The following ADGRB3 variants were observed in gnomAD, a reference collection of about 807,000 sequenced individuals.
ADGRB3 encodes adhesion G protein-coupled receptor B3.
ADGRB3 carries 37 observed loss-of-function variants against 193.4 expected under a neutral mutation model. The observed-to-expected ratio is 0.19, with a 90% CI of 0.15 to 0.25. The LOEUF (loss-of-function observed/expected upper bound fraction) is 0.25, where lower values mean the gene tolerates loss of function less well. Ranked by LOEUF, ADGRB3 falls within the 10% of genes least tolerant of loss-of-function variation. The pLI is 1.00. For synonymous variants in ADGRB3, 690 were observed against 644.2 expected (o/e 1.07, Z -1.08); for missense variants, 1,637 against 1,852.9 (o/e 0.88, Z 2.14).
At chr6:69,379,040 C>G (rs1351951022) in intron 30 of ADGRB3, among the ~76,000 whole-genome samples, 2 of 151,900 alleles carry the variant, frequency 1.3e-5, no homozygotes. Flanking sequence ...GATTGGTGGT[C>G]CTCTCAGGAT....
chr6:69,153,414 G>C (rs1774735523), intron 17 of ADGRB3, among the ~76,000 whole-genome samples: 1 of 152,152 alleles, frequency 6.6e-6, no homozygotes, highest in South Asian at 2.1e-4. Flanking sequence ...AAAGAGGTTT[G>C]GGGAAAACCT....
Position 68,974,563 on chromosome 6 carries a change from T to G in ADGRB3, c.1526-200T>G, listed in dbSNP as rs372864738. 1.1e-4 allele frequency among the ~76,000 whole-genome samples: 17 copies of G among 151,980 alleles called. No homozygotes were observed. The East Asian group carries it at 2.7e-3, about 24-fold the overall frequency. ...AGGGAGGATGGCTTGAGCCCAGTAG[T>G]TTGCGGCTGCACAGTGAGCTAGGAT... On this transcript the variant is annotated intron_variant, in intron 8 of 31. Coordinates refer to ENST00000370598, the MANE Select transcript of ADGRB3 (RefSeq NM_001704.3).
chr6:68,950,308 A>G (rs1318757486), intron 6 of ADGRB3, among the ~76,000 whole-genome samples: 1 of 152,176 alleles, frequency 6.6e-6, no homozygotes, highest in Non-Finnish European at 1.5e-5. Flanking sequence ...AGTGCTTCTG[A>G]TGAGAAAGAA....
At chr6:68,823,224 G>T (rs1428569042) in intron 3 of ADGRB3, among the ~76,000 whole-genome samples, 1 of 151,792 alleles carries the variant, frequency 6.6e-6, no homozygotes, top group East Asian at 1.9e-4. Flanking sequence ...ATAAAACAAG[G>T]CTAGTAGGAA....
chr6:69,063,616 G>A (rs11751150), intron 16 of ADGRB3, among the ~76,000 whole-genome samples: 17,144 of 151,980 alleles, frequency 0.11, 1,131 homozygotes, highest in Middle Eastern at 0.25. Flanking sequence ...GGAGTGGGTA[G>A]CGTGTAGAAA....
chr6:68,868,355 G>A (rs930989567), intron 3 of ADGRB3, among the ~76,000 whole-genome samples: 1 of 152,128 alleles, frequency 6.6e-6, no homozygotes, highest in African/African-American at 2.4e-5. Context: ...GTAAGTTTCT[G>A]AGGCCTCCCC....
chr6:69,206,045 GTA>G (rs56741913), intron 17 of ADGRB3, among the ~76,000 whole-genome samples: 7,484 of 99,744 alleles, frequency 0.075, 307 homozygotes, highest in Admixed American at 0.12. Context: ...TATAATAATG[GTA>G]TATATATATA....
chr6:69,065,305 T>C (rs1190474279), intron 16 of ADGRB3, among the ~76,000 whole-genome samples: 1 of 152,162 alleles, frequency 6.6e-6, no homozygotes, highest in Non-Finnish European at 1.5e-5. Context: ...TTGTTTGGAA[T>C]CTGCCCGCCG....
intron 3 of ADGRB3, among the ~76,000 whole-genome samples, chr6:68,746,104 T>G (rs1483301204): frequency 6.6e-6 from 1 of 152,088 alleles, no homozygotes; most frequent in East Asian, 1.9e-4. Flanking sequence ...TAAATGTTAG[T>G]GCTGCCAAAT....
chr6:69,021,888 C>G (rs1056772599), intron 13 of ADGRB3, among the ~76,000 whole-genome samples: 2 of 151,624 alleles, frequency 1.3e-5, no homozygotes, highest in African/African-American at 4.8e-5. Context: ...TATATGTGTG[C>G]ATGTACATTT....
At chr6:69,002,322 G>C (rs1340888448) in intron 11 of ADGRB3, among the ~76,000 whole-genome samples, 1 of 151,100 alleles carries the variant, frequency 6.6e-6, no homozygotes, top group Non-Finnish European at 1.5e-5. Flanking sequence ...TGGTTCAAGC[G>C]ATTCTCCTGC....
At chr6:68,830,622 A>G (rs2127383689) in intron 3 of ADGRB3, among the ~76,000 whole-genome samples, 1 of 152,270 alleles carries the variant, frequency 6.6e-6, no homozygotes, top group South Asian at 2.1e-4. Context: ...TGAAACTGAA[A>G]ATGTCAGGAA....
rs202008922 is a variant in ADGRB3, at chr6:69,042,048, ATAAT to A, written c.2108-6131_2108-6128del. The stretch of plus-strand genomic sequence containing the variant: ...TGGTTCACCCCATCTTGTTCTCGTG[ATAAT>A]TAATTGGTTCTCATGAGATCTGATG... On this transcript the variant is annotated intron_variant, in intron 13 of 31. Coordinates refer to ENST00000370598, the MANE Select transcript of ADGRB3 (RefSeq NM_001704.3). Among the ~76,000 whole-genome samples the A allele has an allele frequency of 4.3e-3, 658 of 152,202 alleles. 6 individuals are homozygous for A. Among genetic ancestry groups the A allele is most frequent in the African/African-American group, 0.015 (640 of 41,520 alleles).
At position 68,905,415 on chromosome 6, in the gene ADGRB3, A is replaced by G. The variant is rs145025265; in HGVS notation, c.758-25144A>G. Reference sequence around the variant, plus strand: ...TTCTTACTATATGAGACATCTCTTTATTTTCTATCCATCGGGATTGAGAAA... The same window carrying G: ...TTCTTACTATATGAGACATCTCTTTGTTTTCTATCCATCGGGATTGAGAAA... On this transcript the variant is annotated intron_variant, in intron 3 of 31. Coordinates refer to ENST00000370598, the MANE Select transcript of ADGRB3 (RefSeq NM_001704.3). Among the ~76,000 whole-genome samples, 392 of 152,256 alleles carry G rather than the reference A, an allele frequency of 2.6e-3. 1 individual carries two copies. The highest frequency in any genetic ancestry group is 3.8e-3 in the Non-Finnish European group (259 of 68,022).
chr6:69,027,286 A>G (rs1283823899), intron 13 of ADGRB3, among the ~76,000 whole-genome samples: 1 of 151,986 alleles, frequency 6.6e-6, no homozygotes, highest in Non-Finnish European at 1.5e-5. Context: ...CAGGGTCAGG[A>G]TCATCAATGT....
intron 20 of ADGRB3, among the ~76,000 whole-genome samples, chr6:69,261,188 A>G (rs1215420037): frequency 6.6e-6 from 1 of 152,182 alleles, no homozygotes; most frequent in Non-Finnish European, 1.5e-5. Flanking sequence ...GGCCTTTCTT[A>G]ATGAGCGTTG....
At chr6:69,044,580 G>A (rs919359545) in intron 13 of ADGRB3, among the ~76,000 whole-genome samples, 34 of 152,266 alleles carry the variant, frequency 2.2e-4, no homozygotes, top group African/African-American at 7.2e-4. Flanking sequence ...AACCTGAATC[G>A]TTTGAAAGTT....
chr6:69,082,160 A>T (rs917836708), intron 17 of ADGRB3, among the ~76,000 whole-genome samples: 2 of 152,030 alleles, frequency 1.3e-5, no homozygotes, highest in African/African-American at 4.8e-5. Flanking sequence ...CTCCTAAAAT[A>T]TTTACTATTT....
At chr6:69,365,056 T>G (rs1449244066) in intron 29 of ADGRB3, among the ~76,000 whole-genome samples, 1 of 152,086 alleles carries the variant, frequency 6.6e-6, no homozygotes, top group African/African-American at 2.4e-5. Flanking sequence ...CTTTAGCAGG[T>G]TGTAGAAGTT....
Sources: gnomAD v4.1 joint callset for allele counts (sites outside exome capture counted in the v4.1 genomes callset) on GRCh38, gnomAD v4.1.1 for gene constraint, MANE v1.5 for transcripts, NCBI Gene and HGNC (gene_info 2026-07-23, HGNC 2026-07-21) for gene names.